RREB1: variants seen among roughly 807,000 people sequenced by gnomAD.
The protein encoded by RREB1 is ras responsive element binding protein 1, also known as ras-responsive element-binding protein 1.
Under a neutral mutation model 117.8 loss-of-function variants are expected in RREB1, and 27 were observed. The ratio of observed to expected loss-of-function variants is 0.23; its 90% CI spans 0.17 to 0.32. The LOEUF (loss-of-function observed/expected upper bound fraction) is 0.32. Ranked by LOEUF, RREB1 falls within the 10% of genes least tolerant of loss-of-function variation. RREB1 has a pLI of 1.00. For synonymous variants in RREB1, 1,298 were observed against 1,026.7 expected, an observed-to-expected ratio of 1.26 and a Z score of -5.05; for missense variants, 2,577 against 2,378.2, an observed-to-expected ratio of 1.08 and a Z score of -1.74.
intron 1 of RREB1, among the ~76,000 whole-genome samples, chr6:7,152,133 G>A (rs899299947): frequency 1.2e-4 from 18 of 152,236 alleles, no homozygotes; most frequent in African/African-American, 4.1e-4. Flanking sequence ...ATAGTAAGAT[G>A]TGATGCTGAG....
At chr6:7,151,985 G>A (rs1469440987) in intron 1 of RREB1, among the ~76,000 whole-genome samples, 1 of 152,162 alleles carries the variant, frequency 6.6e-6, no homozygotes, top group Non-Finnish European at 1.5e-5. Context: ...GATGGCTTTC[G>A]TTTTCAAAAC....
Position 7,248,643 on chromosome 6 carries a change from G to A in RREB1, c.4904G>A (p.Arg1635Gln), listed in dbSNP as rs1415168999. Reference sequence around the variant, plus strand: ...GGGAAGGACAGCGACAAGGAAGAGCGGGGTGAGGAGGACAGCGAGAATGAG... The same window carrying A: ...GGGAAGGACAGCGACAAGGAAGAGCAGGGTGAGGAGGACAGCGAGAATGAG... ...HHGKDSDKEE[R>Q]GEEDSENEST... is the part of the protein sequence containing the mutation. Residue 1635 changes from arginine to glutamine, a missense_variant, in exon 13 of 13, where the codon CGG becomes CAG. By Grantham distance (43) the Arg-to-Gln change is conservative. Coordinates refer to ENST00000379938, the MANE Select transcript of RREB1 (RefSeq NM_001003699.4). The A allele has an allele frequency of 1.9e-5, 31 of 1,614,120 alleles. No individual in the cohort carries two copies. The highest frequency in any genetic ancestry group is 8.9e-5 in the East Asian group (4 of 44,902).
chr6:7,111,482 A>G (rs1027459844), intron 1 of RREB1, among the ~76,000 whole-genome samples: 2 of 152,184 alleles, frequency 1.3e-5, no homozygotes, highest in East Asian at 3.8e-4. Flanking sequence ...CCTTCTGAAA[A>G]GTAGGTGGTG....
At chr6:7,248,218 C>G (rs1483538615) in intron 12 of RREB1, among the ~76,000 whole-genome samples, 8 of 152,244 alleles carry the variant, frequency 5.3e-5, no homozygotes, top group African/African-American at 1.9e-4. Flanking sequence ...CGAGGCCAGT[C>G]TGCACATCTC....
chr6:7,229,762 G>C lies in RREB1; in HGVS notation c.1663G>C (p.Glu555Gln). Residue 555 changes from glutamate (E) to glutamine (Q), a missense_variant, in exon 10 of 13, where the codon GAG becomes CAG. Transcript: ENST00000379938. The surrounding 1 kb of genome is among the most constrained non-coding windows in gnomAD (Gnocchi z 4.5). ...CCTGAAGCTCCTCAAAGGCTCAGTGGAGGCGGCCTCCAACGCCCACCTGCT... is the reference window on the plus strand; with the variant it reads ...CCTGAAGCTCCTCAAAGGCTCAGTGCAGGCGGCCTCCAACGCCCACCTGCT... ...PPLKLLKGSV[E>Q]AASNAHLLQS... 1 of 1,605,894 alleles carries C rather than the reference G, an allele frequency of 6.2e-7. No individual in the cohort carries two copies. The highest frequency in any genetic ancestry group is 8.5e-7 in the Non-Finnish European group (1 of 1,174,740).
intron 1 of RREB1, among the ~76,000 whole-genome samples, chr6:7,130,107 C>T (rs556537162): frequency 6.6e-6 from 1 of 152,214 alleles, no homozygotes; most frequent in Non-Finnish European, 1.5e-5. Context: ...TTGCCTGTTG[C>T]TGTTCTCTGC....
intron 10 of RREB1, among the ~76,000 whole-genome samples, chr6:7,236,347 GC>G (rs1186225027): frequency 6.6e-6 from 1 of 152,018 alleles, no homozygotes; most frequent in African/African-American, 2.4e-5. Flanking sequence ...CCTTTTTTGA[GC>G]CGGCTCAGGC....
In RREB1 at chr6:7,231,915, G is replaced by A. The variant is rs1472184535; in HGVS notation, c.3808+8G>A. The A allele has an allele frequency of 6.4e-7, 1 of 1,572,578 alleles. No homozygotes were observed. The highest frequency in any genetic ancestry group is 1.3e-5 in the African/African-American group (1 of 74,094). On this transcript the variant is annotated splice_region_variant and intron_variant, in intron 10 of 12. Coordinates refer to ENST00000379938, the MANE Select transcript of RREB1 (RefSeq NM_001003699.4). ...ACATGCTCACACACACTGGTAAGAG[G>A]GCCACCGGGCTCCCAGGCAGTGAGT...
chr6:7,176,634 C>T (rs1283460444), intron 1 of RREB1, 21 bp from the exon 2 acceptor site: 1 of 152,770 alleles, frequency 6.5e-6, no homozygotes, highest in Non-Finnish European at 1.5e-5. Flanking sequence ...CTTTTAACAT[C>T]ACCTTTTCTT....
intron 5 of RREB1, 62 bp downstream of exon 5, chr6:7,187,585 A>C (rs1374115991): frequency 4.4e-6 from 4 of 908,856 alleles, no homozygotes; most frequent in Non-Finnish European, 5.9e-6. Flanking sequence ...ATTTTATTTT[A>C]TTTTAGTCAA....
chr6:7,136,203 A>C lies in RREB1; in HGVS notation c.-285+28143A>C, dbSNP rs79318248. Among the ~76,000 whole-genome samples the C allele has an allele frequency of 8.7e-3, 1,324 of 152,296 alleles. 21 individuals are homozygous for C. The highest frequency in any genetic ancestry group is 0.031 in the African/African-American group (1,282 of 41,560). ...ATTTTACAATTCTGATTTGAGTAGA[A>C]GTTTGATTTGAAAAGGGACTTCATC... On this transcript the variant is annotated intron_variant, in intron 1 of 12. Transcript: ENST00000379938.
At chr6:7,221,220 C>G (rs1440411619) in intron 8 of RREB1, among the ~76,000 whole-genome samples, 2 of 151,778 alleles carry the variant, frequency 1.3e-5, no homozygotes, top group Non-Finnish European at 2.9e-5. Context: ...GGACTGCGGA[C>G]TGCAGTGGCG....
intron 1 of RREB1, among the ~76,000 whole-genome samples, chr6:7,152,684 A>G (rs1763177891): frequency 6.6e-6 from 1 of 152,238 alleles, no homozygotes; most frequent in Non-Finnish European, 1.5e-5. Flanking sequence ...TGAGAAGGCC[A>G]GGAGCAGCAG....
At chr6:7,237,252 A>G (rs977150167) in intron 10 of RREB1, among the ~76,000 whole-genome samples, 3 of 151,824 alleles carry the variant, frequency 2.0e-5, no homozygotes, top group African/African-American at 7.3e-5. Context: ...CACCCAACTA[A>G]TTTTTTGTAT....
intron 1 of RREB1, among the ~76,000 whole-genome samples, chr6:7,158,330 T>G (rs1581467099): frequency 6.6e-6 from 1 of 151,682 alleles, no homozygotes; most frequent in Admixed American, 6.6e-5. Flanking sequence ...TGTAGGCAGG[T>G]CTCCCTCCCC....
At chr6:7,114,842 C>T (rs1761319799) in intron 1 of RREB1, among the ~76,000 whole-genome samples, 1 of 152,142 alleles carries the variant, frequency 6.6e-6, no homozygotes, top group Admixed American at 6.5e-5. Context: ...AAGTCATCTA[C>T]TTCTAAAACA....
chr6:7,127,641 G>A (rs1397172241), intron 1 of RREB1, among the ~76,000 whole-genome samples: 1 of 152,236 alleles, frequency 6.6e-6, no homozygotes, highest in Non-Finnish European at 1.5e-5. Flanking sequence ...CGAGTTTGGT[G>A]TGTCAGTTGG....
intron 6 of RREB1, among the ~76,000 whole-genome samples, chr6:7,198,968 C>T (rs1178091415): frequency 1.3e-5 from 2 of 152,182 alleles, no homozygotes; most frequent in East Asian, 3.8e-4. Context: ...TTTATTGCAG[C>T]AGAATGTCTG....
intron 1 of RREB1, among the ~76,000 whole-genome samples, chr6:7,133,958 A>G (rs1396844625): frequency 6.6e-6 from 1 of 152,188 alleles, no homozygotes; most frequent in African/African-American, 2.4e-5. Flanking sequence ...CAATTTTAAT[A>G]TGATATGACA....
Sources: gnomAD v4.1 joint callset for allele counts (sites outside exome capture counted in the v4.1 genomes callset) on GRCh38, gnomAD v4.1.1 for gene constraint, Gnocchi (gnomAD v3.1) non-coding constraint, MANE v1.5 for transcripts, NCBI Gene and HGNC (gene_info 2026-07-23, HGNC 2026-07-21) for gene names.